MIGA2: variants seen among roughly 807,000 people sequenced by gnomAD.
MIGA2 encodes the protein mitoguardin 2.
Under a neutral mutation model 69.9 loss-of-function variants are expected in MIGA2, and 36 were observed. That is an observed-to-expected ratio of 0.52 (90% CI 0.39 to 0.68). The LOEUF (loss-of-function observed/expected upper bound fraction) is 0.68, where lower values mean the gene tolerates loss of function less well. Among genes scored for constraint, MIGA2 ranks in the 30% least tolerant of loss-of-function variants. The pLI is 0.00. For missense variants in MIGA2, 660 were observed against 787.7 expected, an observed-to-expected ratio of 0.84 and a Z score of 1.94; for synonymous variants, 333 against 349.2, an observed-to-expected ratio of 0.95 and a Z score of 0.52.
chr9:129,045,441 C>CA (rs766649271), intron 3 of MIGA2, among the ~76,000 whole-genome samples: 623 of 19,900 alleles, frequency 0.031, 49 homozygotes, highest in African/African-American at 0.06. Context: ...GACTCTGTCT[C>CA]AAAAAAAAAA....
intron 6 of MIGA2, among the ~76,000 whole-genome samples, chr9:129,058,317 C>G (rs892900614): frequency 6.6e-6 from 1 of 150,664 alleles, no homozygotes; most frequent in Non-Finnish European, 1.5e-5. Flanking sequence ...ACGGAAGGAT[C>G]ACTTGAACTC....
chr9:129,050,904 G>A lies in MIGA2; in HGVS notation c.675+941G>A, dbSNP rs916711968. Reference sequence around the variant, plus strand: ...TTTTTTTCCTTTGAGACAGAGTTTCGCTCTTGTTGCCCAGGCTGGAGTGCA... The same window carrying A: ...TTTTTTTCCTTTGAGACAGAGTTTCACTCTTGTTGCCCAGGCTGGAGTGCA... On this transcript the variant is annotated intron_variant, in intron 6 of 15. Coordinates refer to ENST00000684074, the MANE Select transcript of MIGA2 (RefSeq NM_001329990.2). Among the ~76,000 whole-genome samples, 8 of 145,200 alleles carry A rather than the reference G, an allele frequency of 5.5e-5. No individual in the cohort carries two copies. In the East Asian group the frequency reaches 6.2e-4, roughly 11 times the overall value.
Position 129,068,319 on chromosome 9 carries a change from G to A in MIGA2, c.1391G>A (p.Ser464Asn). Reference sequence around the variant, plus strand: ...CTGCGGAACCGCTGGCTGTCAGACAGCTTCAAGGAGACGGTGGGTCACTGC... The same window carrying A: ...CTGCGGAACCGCTGGCTGTCAGACAACTTCAAGGAGACGGTGGGTCACTGC... ...AVLRNRWLSD[S>N]FKETALATAC... The change falls in exon 13 of 16, where the codon AGC (serine) becomes AAC (asparagine). Residue 464 changes from serine to asparagine, a missense_variant. Transcript: ENST00000684074. This position sits in a 1 kb window ranked among gnomAD's most constrained non-coding sequence, Gnocchi z 4.1. 1 of 1,605,958 alleles carries A rather than the reference G, an allele frequency of 6.2e-7. No individual in the cohort carries two copies. The highest frequency in any genetic ancestry group is 1.1e-5 in the South Asian group (1 of 90,802).
chr9:129,044,509 A>G (rs76119366), intron 3 of MIGA2, among the ~76,000 whole-genome samples: 22,968 of 151,850 alleles, frequency 0.15, 3,164 homozygotes, highest in African/African-American at 0.35. Context: ...TGCTGCATTG[A>G]AGTGTTGTCT....
Position 129,060,593 on chromosome 9 carries a change from G to T in MIGA2, c.837G>T (p.Leu279=), listed in dbSNP as rs1179773922. 1.9e-6 allele frequency: 3 copies of T among 1,606,392 alleles called. No individual in the cohort carries two copies. Among genetic ancestry groups the T allele is most frequent in the Non-Finnish European group, 2.5e-6 (3 of 1,176,662 alleles). The part of the protein sequence containing the change: ...MLPLTEGSLR[L]RADDEDSLTS... ...CCCTGACCGAGGGCTCGCTGCGGCT[G>T]CGGGCGGACGATGAGGACAGCCTGA... Residue 279 remains leucine, a synonymous_variant, in exon 8 of 16, where the codon CTG becomes CTT. Coordinates refer to ENST00000684074, the MANE Select transcript of MIGA2 (RefSeq NM_001329990.2). The surrounding 1 kb of genome is among the most constrained non-coding windows in gnomAD (Gnocchi z 4.8).
Position 129,070,379 on chromosome 9 carries a change from G to T in MIGA2, c.1708G>T (p.Val570Leu), listed in dbSNP as rs1267434588. ...RSEILLGYLG[V>L]PAASSAGVNG... ...CGAGATATTGCTGGGGTACCTGGGG[G>T]TGCCCGCGGCCAGCAGCGCAGGCGT... is the stretch of plus-strand genomic sequence containing the variant. The change falls in exon 16 of 16, where the codon GTG becomes TTG. Residue 570 changes from valine to leucine, a missense_variant. Val to Leu is a conservative substitution (Grantham distance 32). Around this residue, in one of 3 missense-constraint regions of MIGA2, gnomAD observed 220 missense variants for 301.7 expected, o/e 0.73. Coordinates refer to ENST00000684074, the MANE Select transcript of MIGA2 (RefSeq NM_001329990.2). 2 of 1,612,486 alleles carry T rather than the reference G, an allele frequency of 1.2e-6. No individual in the cohort carries two copies. Among genetic ancestry groups the T allele is most frequent in the East Asian group, 4.5e-5 (2 of 44,880 alleles).
intron 1 of MIGA2, among the ~76,000 whole-genome samples, chr9:129,039,346 T>C (rs941535318): frequency 2.0e-4 from 30 of 148,192 alleles, no homozygotes; most frequent in African/African-American, 7.2e-4. Context: ...CCTGGGTTCA[T>C]GCCATTCTCC....
chr9:129,043,511 C>T (rs181771025), intron 3 of MIGA2, among the ~76,000 whole-genome samples: 20 of 151,242 alleles, frequency 1.3e-4, no homozygotes, highest in African/African-American at 3.2e-4. Context: ...TTCAGCCTCT[C>T]GAAAAGCTGG....
At chr9:129,044,849 C>A (rs950664705) in intron 3 of MIGA2, among the ~76,000 whole-genome samples, 1 of 151,720 alleles carries the variant, frequency 6.6e-6, no homozygotes, top group Non-Finnish European at 1.5e-5. Flanking sequence ...CCTTGGCCCC[C>A]CAAAGTGCTG....
chr9:129,053,520 C>G (rs972675229), intron 6 of MIGA2, among the ~76,000 whole-genome samples: 3 of 151,974 alleles, frequency 2.0e-5, no homozygotes, highest in Non-Finnish European at 2.9e-5. Context: ...TGTGTCACCA[C>G]GCCCGGCTAA....
Position 129,068,326 on chromosome 9 carries a change from G to A in MIGA2, c.1398G>A (p.Lys466=), listed in dbSNP as rs1425510627. The A allele has an allele frequency of 2.5e-6, 4 of 1,603,790 alleles. No homozygotes were observed. The highest frequency in any genetic ancestry group is 1.3e-5 in the African/African-American group (1 of 74,886). Residue 466 remains lysine, a synonymous_variant, in exon 13 of 16, where the codon AAG becomes AAA. Transcript: ENST00000684074. This position sits in a 1 kb window ranked among gnomAD's most constrained non-coding sequence, Gnocchi z 4.1. ...ACCGCTGGCTGTCAGACAGCTTCAA[G>A]GAGACGGTGGGTCACTGCCCTGCTC... is the stretch of plus-strand genomic sequence containing the variant. ...LRNRWLSDSF[K]ETALATACWS...
Position 129,069,724 on chromosome 9 carries a change from C to A in MIGA2, c.1459-125C>A. On this transcript the variant is annotated intron_variant, in intron 14 of 15. Transcript: ENST00000684074. This position sits in a 1 kb window ranked among gnomAD's most constrained non-coding sequence, Gnocchi z 4.9. ...GAAAGCTTGAGTCACTGCCCAGGGT[C>A]ATCTAGCAGGAAAGTACATGAGCTG... The A allele has an allele frequency of 1.3e-6, 1 of 759,652 alleles. No individual in the cohort carries two copies. The highest frequency in any genetic ancestry group is 2.4e-6 in the Non-Finnish European group (1 of 419,878). The allele number at this position is 759,652 out of a possible 1,614,324, so 47.1% of individuals were successfully genotyped here. A position where few individuals can be genotyped will look rare whatever the true frequency, so the allele number is the denominator to read the frequency against.
At position 129,059,809 on chromosome 9, in the gene MIGA2, C is replaced by G. The variant is rs929248468; in HGVS notation, c.793+538C>G. Reference sequence around the variant, plus strand: ...ACACCCTGGCCCCTCCCTGTGCACTCAACCCTGTGGGACCCTCAGACTCCT... The same window carrying G: ...ACACCCTGGCCCCTCCCTGTGCACTGAACCCTGTGGGACCCTCAGACTCCT... On this transcript the variant is annotated intron_variant, in intron 7 of 15. Transcript: ENST00000684074. This position sits in a 1 kb window ranked among gnomAD's most constrained non-coding sequence, Gnocchi z 5.6. Among the ~76,000 whole-genome samples, 1 of 152,178 alleles carries G rather than the reference C, an allele frequency of 6.6e-6. No homozygotes were observed. Among genetic ancestry groups the G allele is most frequent in the African/African-American group, 2.4e-5 (1 of 41,458 alleles).
intron 11 of MIGA2, among the ~76,000 whole-genome samples, chr9:129,066,430 T>C (rs1376210600): frequency 6.6e-6 from 1 of 152,124 alleles, no homozygotes; most frequent in Non-Finnish European, 1.5e-5. Flanking sequence ...ATCCCGGCAC[T>C]TTGGGAGGCC....
intron 11 of MIGA2, chr9:129,067,420 G>C (rs2131395295): frequency 3.8e-6 from 1 of 259,984 alleles, no homozygotes; most frequent in Admixed American, 5.0e-5. Context: ...TGCGGCTGTA[G>C]CTTCTCCCCT....
intron 6 of MIGA2, among the ~76,000 whole-genome samples, chr9:129,057,292 TTTGTTG>T (rs916990873): frequency 3.3e-5 from 5 of 151,788 alleles, no homozygotes; most frequent in Admixed American, 3.3e-4. Flanking sequence ...ATATATAAAT[TTTGTTG>T]TTGTTGTTGT....
Position 129,066,460 on chromosome 9 carries a change from G to C in MIGA2, c.1171-1313G>C, listed in dbSNP as rs562902462. Among the ~76,000 whole-genome samples, 5 of 152,174 alleles carry C rather than the reference G, an allele frequency of 3.3e-5. No homozygotes were observed. In the South Asian group the frequency reaches 8.3e-4, roughly 25 times the overall value. ...GAGGCCAAGGCGGGAGGATCACGAG[G>C]TCAGGAGATCAAGACCATCCTGGCT... On this transcript the variant is annotated intron_variant, in intron 11 of 15. Transcript: ENST00000684074.
Position 129,070,687 on chromosome 9 carries a change from G to T in MIGA2, c.*234G>T. On this transcript the variant is annotated 3_prime_UTR_variant, in exon 16 of 16. Coordinates refer to ENST00000684074, the MANE Select transcript of MIGA2 (RefSeq NM_001329990.2). ...GAGAAAGGCTGTGAGAGAGGGGGTT[G>T]TTGTGGAGAATTGGGACAGGCAGAG... 1 of 550,072 alleles carries T rather than the reference G, an allele frequency of 1.8e-6. No individual in the cohort carries two copies. The highest frequency in any genetic ancestry group is 3.2e-6 in the Non-Finnish European group (1 of 313,178). The allele number at this position is 550,072 out of a possible 1,614,324, so 34.1% of individuals were successfully genotyped here.
chr9:129,063,158 C>T, intron 9 of MIGA2, 86 bp from the exon 10 acceptor site: 2 of 1,403,488 alleles, frequency 1.4e-6, no homozygotes, highest in South Asian at 2.4e-5. Context: ...CAGAGCCTCC[C>T]CCCTCCCCAC....
Sources: gnomAD v4.1 joint callset for allele counts (sites outside exome capture counted in the v4.1 genomes callset) on GRCh38, gnomAD v4.1.1 for gene constraint, gnomAD v4.1.1 regional missense constraint, Gnocchi (gnomAD v3.1) non-coding constraint, MANE v1.5 for transcripts, NCBI Gene and HGNC (gene_info 2026-07-23, HGNC 2026-07-21) for gene names.